INPP4B: variants seen among roughly 807,000 people sequenced by gnomAD.
INPP4B encodes the protein inositol polyphosphate-4-phosphatase type II B.
Under a neutral mutation model 122.5 loss-of-function variants are expected in INPP4B, and 55 were observed. The observed-to-expected ratio is 0.45, with a 90% CI of 0.36 to 0.56. INPP4B has a LOEUF of 0.56. INPP4B is among the 20% of genes least tolerant of loss of function. INPP4B has a pLI of 0.00. For synonymous variants in INPP4B, 403 were observed against 388.7 expected (o/e 1.04, Z -0.43); for missense variants, 1,000 against 1,097.7 (o/e 0.91, Z 1.26).
intron 23 of INPP4B, among the ~76,000 whole-genome samples, chr4:142,089,297 A>C (rs1234109743): frequency 6.6e-6 from 1 of 152,198 alleles, no homozygotes; most frequent in Non-Finnish European, 1.5e-5. Flanking sequence ...TTTTGAAAGC[A>C]ATACAGAATA....
At chr4:142,405,537 A>G (rs1005388108) in intron 5 of INPP4B, among the ~76,000 whole-genome samples, 2 of 152,172 alleles carry the variant, frequency 1.3e-5, no homozygotes, top group East Asian at 3.9e-4. Flanking sequence ...TCCACTGACC[A>G]CATTTGCAGT....
chr4:142,635,681 G>A (rs770509338), intron 2 of INPP4B, among the ~76,000 whole-genome samples: 1 of 152,096 alleles, frequency 6.6e-6, no homozygotes, highest in South Asian at 2.1e-4. Context: ...ACAAACAAGG[G>A]AATAATAGAT....
chr4:142,702,597 G>T (rs1761943033), intron 2 of INPP4B, among the ~76,000 whole-genome samples: 1 of 151,870 alleles, frequency 6.6e-6, no homozygotes, highest in Non-Finnish European at 1.5e-5. Flanking sequence ...GGGCGTGGTG[G>T]TGCATGCCTG....
At chr4:142,034,096 G>A (rs1436928472) in intron 25 of INPP4B, among the ~76,000 whole-genome samples, 4 of 152,194 alleles carry the variant, frequency 2.6e-5, no homozygotes, top group Admixed American at 1.3e-4. Flanking sequence ...TATTGACAGT[G>A]CTGAGACTGA....
chr4:142,149,300 GCTGGT>G (rs1362344144), intron 17 of INPP4B, among the ~76,000 whole-genome samples: 2 of 152,168 alleles, frequency 1.3e-5, no homozygotes, highest in Non-Finnish European at 2.9e-5. Context: ...CAGATTAAAG[GCTGGT>G]GTTTATATTC....
At chr4:142,704,550 AT>A (rs948702765) in intron 2 of INPP4B, among the ~76,000 whole-genome samples, 74 of 152,142 alleles carry the variant, frequency 4.9e-4, no homozygotes, top group African/African-American at 1.7e-3. Flanking sequence ...GCTTCTACAC[AT>A]TTTTTTACTC....
At chr4:142,143,113 A>G (rs1385310072) in intron 18 of INPP4B, among the ~76,000 whole-genome samples, 1 of 151,962 alleles carries the variant, frequency 6.6e-6, no homozygotes, top group Non-Finnish European at 1.5e-5. Context: ...CAAGCAAAAC[A>G]CCAAAAAACA....
intron 12 of INPP4B, among the ~76,000 whole-genome samples, chr4:142,226,248 A>G (rs1386731803): frequency 6.6e-6 from 1 of 152,168 alleles, no homozygotes; most frequent in African/African-American, 2.4e-5. Flanking sequence ...ATAAGTACAC[A>G]CACACACACA....
At chr4:142,829,077 T>C (rs1026652214) in intron 1 of INPP4B, among the ~76,000 whole-genome samples, 2 of 148,706 alleles carry the variant, frequency 1.3e-5, no homozygotes, top group African/African-American at 5.0e-5. Context: ...AGACACAACA[T>C]AAATAACTAT....
intron 14 of INPP4B, among the ~76,000 whole-genome samples, chr4:142,193,649 A>T (rs1836940600): frequency 6.6e-6 from 1 of 152,204 alleles, no homozygotes; most frequent in Non-Finnish European, 1.5e-5. Flanking sequence ...AGGGCAGATT[A>T]GTACTAGTGC....
At chr4:142,090,712 T>A (rs1779132955) in intron 23 of INPP4B, among the ~76,000 whole-genome samples, 1 of 151,876 alleles carries the variant, frequency 6.6e-6, no homozygotes, top group African/African-American at 2.4e-5. Context: ...TATTCTTTTT[T>A]TTTTCAAATG....
At chr4:142,315,144 T>C (rs1417381490) in intron 7 of INPP4B, among the ~76,000 whole-genome samples, 1 of 152,176 alleles carries the variant, frequency 6.6e-6, no homozygotes, top group East Asian at 1.9e-4. Flanking sequence ...ATGATAAATG[T>C]TTGAAATTAT....
chr4:142,030,294 G>C (rs1160986174), intron 25 of INPP4B: 1 of 1,534,880 alleles, frequency 6.5e-7, no homozygotes, highest in South Asian at 1.2e-5. Flanking sequence ...TGCTCCCTGG[G>C]TTTGTCTGCT....
intron 11 of INPP4B, among the ~76,000 whole-genome samples, chr4:142,258,418 C>T (rs944500737): frequency 1.6e-4 from 25 of 152,052 alleles, no homozygotes; most frequent in Non-Finnish European, 2.9e-4. Flanking sequence ...GAACAGGCAA[C>T]CTACAAAATG....
intron 1 of INPP4B, among the ~76,000 whole-genome samples, chr4:142,823,666 CA>C (rs1339279499): frequency 2.6e-5 from 4 of 152,070 alleles, no homozygotes; most frequent in Non-Finnish European, 4.4e-5. Flanking sequence ...CACTAATTCA[CA>C]AAAAAGTATG....
chr4:142,706,102 C>G (rs1762437856), intron 2 of INPP4B, among the ~76,000 whole-genome samples: 1 of 152,208 alleles, frequency 6.6e-6, no homozygotes, highest in Non-Finnish European at 1.5e-5. Context: ...TGCTTCCATT[C>G]TACCTAAACT....
chr4:142,767,173 T>G (rs1039158076), intron 1 of INPP4B, among the ~76,000 whole-genome samples: 3 of 152,264 alleles, frequency 2.0e-5, no homozygotes, highest in Middle Eastern at 3.4e-3. Flanking sequence ...GAAGTTACAA[T>G]ACTTTAATGT....
chr4:142,252,229 C>T lies in INPP4B; in HGVS notation c.688+8263G>A, dbSNP rs929423050. ...TTTGAGACGGAGTCTCGCTCTGTCG[C>T]CCAGGCTGGAGTGCAGTGGCGCGAT... On this transcript the variant is annotated intron_variant, in intron 11 of 25. Transcript: ENST00000262992. 1.2e-3 allele frequency among the ~76,000 whole-genome samples: 187 copies of T among 150,216 alleles called. 2 individuals carry two copies. Among genetic ancestry groups the T allele is most frequent in the Non-Finnish European group, 1.2e-3 (80 of 67,666 alleles).
intron 2 of INPP4B, among the ~76,000 whole-genome samples, chr4:142,556,606 G>T (rs1729246065): frequency 6.6e-6 from 1 of 152,144 alleles, no homozygotes; most frequent in Admixed American, 6.6e-5. Flanking sequence ...AGGAAAGTCA[G>T]CTCAGGTCAG....
Sources: allele counts gnomAD v4.1 joint callset (sites outside exome capture counted in the v4.1 genomes callset), GRCh38; gene constraint gnomAD v4.1.1; transcripts MANE v1.5; gene names NCBI Gene and HGNC (gene_info 2026-07-23, HGNC 2026-07-21).